The following NFIB variants were observed in gnomAD, a reference collection of about 807,000 sequenced individuals.
NFIB encodes the protein nuclear factor I B.
In NFIB, 11 loss-of-function variants were observed where a neutral mutation model predicts 61.5. The observed-to-expected ratio is 0.18, with a 90% CI of 0.11 to 0.30. The LOEUF is 0.30. Among genes scored for constraint, NFIB ranks in the 10% least tolerant of loss-of-function variants. The pLI, the probability that NFIB is intolerant of heterozygous loss-of-function variation, is 1.00. For synonymous variants in NFIB, 260 were observed against 216.5 expected (o/e 1.20, Z -1.76); for missense variants, 471 against 608.9 (o/e 0.77, Z 2.38).
chr9:14,264,583 GA>G (rs1283948434), intron 2 of NFIB, among the ~76,000 whole-genome samples: 2 of 152,106 alleles, frequency 1.3e-5, no homozygotes, highest in Non-Finnish European at 2.9e-5. Context: ...GGATTACCCA[GA>G]TTACAGTAAG....
At chr9:14,397,409 G>A (rs1387962959) in intron 1 of NFIB, among the ~76,000 whole-genome samples, 1 of 152,184 alleles carries the variant, frequency 6.6e-6, no homozygotes, top group Non-Finnish European at 1.5e-5. Context: ...GGAACTTTAG[G>A]TAGCAAATAT....
the NFIB span, among the ~76,000 whole-genome samples, chr9:14,490,004 G>C: frequency 6.6e-6 from 1 of 152,066 alleles, no homozygotes; most frequent in African/African-American, 2.4e-5. Flanking sequence ...TTGTACATAA[G>C]CCTCTGGGCG....
chr9:14,206,177 CTT>C (rs57849439), intron 2 of NFIB, among the ~76,000 whole-genome samples: 13 of 135,232 alleles, frequency 9.6e-5, no homozygotes, highest in South Asian at 6.9e-4. Context: ...CTCTCTCTCT[CTT>C]TTTTTTTTTT....
At chr9:14,229,158 A>C (rs1369551832) in intron 2 of NFIB, among the ~76,000 whole-genome samples, 1 of 152,206 alleles carries the variant, frequency 6.6e-6, no homozygotes, top group African/African-American at 2.4e-5. Context: ...CGTACAGGTA[A>C]TCTCCAACTT....
chr9:14,450,524 C>T, the NFIB span, among the ~76,000 whole-genome samples: 1 of 152,098 alleles, frequency 6.6e-6, no homozygotes, highest in Non-Finnish European at 1.5e-5. Context: ...TTATTCTGTA[C>T]TTTGAAAACC....
chr9:14,266,578 G>C (rs967661057), intron 2 of NFIB, among the ~76,000 whole-genome samples: 1 of 151,484 alleles, frequency 6.6e-6, no homozygotes, highest in Non-Finnish European at 1.5e-5. Context: ...CTAGACAATA[G>C]AGCAAGACCT....
At chr9:14,329,841 A>T (rs1444857768) in intron 1 of NFIB, among the ~76,000 whole-genome samples, 2 of 150,706 alleles carry the variant, frequency 1.3e-5, no homozygotes, top group African/African-American at 2.4e-5. Context: ...ACCCAGTAAC[A>T]GGCCGGGCAC....
intron 2 of NFIB, among the ~76,000 whole-genome samples, chr9:14,244,785 T>C (rs1355331744): frequency 6.6e-6 from 1 of 152,142 alleles, no homozygotes; most frequent in African/African-American, 2.4e-5. Flanking sequence ...CAATAAGTAC[T>C]AAAAAAATAG....
In NFIB at chr9:14,307,903, C is replaced by T. The variant is rs78859568; in HGVS notation, c.31-383G>A. 0.014 allele frequency: 2,370 copies of T among 170,864 alleles called. 61 individuals are homozygous for T. The highest frequency in any genetic ancestry group is 0.054 in the African/African-American group (2,259 of 41,806). 10.6% of individuals were successfully genotyped at this position (170,864 alleles called of 1,614,324 possible). On this transcript the variant is annotated intron_variant, in intron 1 of 10. Coordinates refer to ENST00000380953, the MANE Select transcript of NFIB (RefSeq NM_001190737.2). The surrounding 1 kb of genome is among the most constrained non-coding windows in gnomAD (Gnocchi z 5.3). ...AGTATTTCAATATTTGATTGACCAA[C>T]TAACACTATGCAGTACCATTTTACA...
At chr9:14,268,660 T>C (rs1243502773) in intron 2 of NFIB, among the ~76,000 whole-genome samples, 1 of 152,256 alleles carries the variant, frequency 6.6e-6, no homozygotes, top group Non-Finnish European at 1.5e-5. Flanking sequence ...GCTCTTTTTA[T>C]GTATCTGTGT....
chr9:14,407,654 G>A, the NFIB span, among the ~76,000 whole-genome samples: 1 of 151,998 alleles, frequency 6.6e-6, no homozygotes, highest in Non-Finnish European at 1.5e-5. Context: ...GAAGGCCTGT[G>A]GTGTAAGTTT....
rs1187053067 is a variant in NFIB, at chr9:14,313,336, C to T, written c.30+146G>A. On this transcript the variant is annotated intron_variant, in intron 1 of 10. Coordinates refer to ENST00000380953, the MANE Select transcript of NFIB (RefSeq NM_001190737.2). This position sits in a 1 kb window ranked among gnomAD's most constrained non-coding sequence, Gnocchi z 4.5. ...GCCGCTCCCGGCTCCCACGCCGCCCCGCGACGCCCGCTGCAACTCCGGGCC... is the reference window on the plus strand; with the variant it reads ...GCCGCTCCCGGCTCCCACGCCGCCCTGCGACGCCCGCTGCAACTCCGGGCC... The T allele has an allele frequency of 1.7e-6, 2 of 1,165,260 alleles. No homozygotes were observed. Among genetic ancestry groups the T allele is most frequent in the Non-Finnish European group, 1.2e-6 (1 of 859,588 alleles). The allele number at this position is 1,165,260 out of a possible 1,614,324, so 72.2% of individuals were successfully genotyped here. A position where few individuals can be genotyped will look rare whatever the true frequency, so the allele number is the denominator to read the frequency against.
intron 8 of NFIB, 28 bp from the exon 9 acceptor site, chr9:14,116,374 G>A: frequency 6.8e-7 from 1 of 1,465,694 alleles, no homozygotes; most frequent in East Asian, 2.6e-5. Flanking sequence ...AATGCCGGGT[G>A]AAGCAATCCA....
At chr9:14,402,978 A>T (rs1395990380), upstream of NFIB, among the ~76,000 whole-genome samples, 1 of 152,238 alleles carries the variant, frequency 6.6e-6, no homozygotes, top group Non-Finnish European at 1.5e-5. Flanking sequence ...TGATTTGCAA[A>T]TACAGTACCA....
intron 2 of NFIB, among the ~76,000 whole-genome samples, chr9:14,233,231 T>C (rs2053390585): frequency 6.6e-6 from 1 of 152,168 alleles, no homozygotes; most frequent in Admixed American, 6.5e-5. Context: ...TTAAATATTT[T>C]ATTTCCAAAT....
At chr9:14,390,187 A>G (rs1007504587) in intron 1 of NFIB, among the ~76,000 whole-genome samples, 2 of 152,214 alleles carry the variant, frequency 1.3e-5, no homozygotes, top group Non-Finnish European at 2.9e-5. Flanking sequence ...GCAAGCAATC[A>G]TGCCACAGTT....
chr9:14,381,753 T>C (rs79382221), intron 1 of NFIB, among the ~76,000 whole-genome samples: 5,975 of 152,292 alleles, frequency 0.039, 132 homozygotes, highest in African/African-American at 0.055. Flanking sequence ...GGAGAAGCAA[T>C]GAAAGAACCC....
chr9:14,324,626 C>G (rs1221584319), intron 1 of NFIB, among the ~76,000 whole-genome samples: 1 of 152,090 alleles, frequency 6.6e-6, no homozygotes, highest in African/African-American at 2.4e-5. Context: ...AAAAGTATTT[C>G]CTCCATTCTC....
chr9:14,313,212 T>TA lies in NFIB; in HGVS notation c.30+269_30+270insT, dbSNP rs1391682729. On this transcript the variant is annotated intron_variant, in intron 1 of 10. Transcript: ENST00000380953. This position sits in a 1 kb window ranked among gnomAD's most constrained non-coding sequence, Gnocchi z 4.5. ...CCGCACGGGGCCTCGCACTTACAGG[T>TA]CCCGGCCCTGCCCACCCCCCGGCGG... Among the ~76,000 whole-genome samples the TA allele has an allele frequency of 1.3e-5, 2 of 151,652 alleles. No homozygotes were observed. The highest frequency in any genetic ancestry group is 4.8e-5 in the African/African-American group (2 of 41,330).
Sources: allele counts gnomAD v4.1 joint callset (sites outside exome capture counted in the v4.1 genomes callset), GRCh38; gene constraint gnomAD v4.1.1; non-coding constraint Gnocchi (gnomAD v3.1); transcripts MANE v1.5; gene names NCBI Gene and HGNC (gene_info 2026-07-23, HGNC 2026-07-21).